The following DHX37 variants were observed in gnomAD, a reference collection of about 807,000 sequenced individuals.
DHX37 encodes the protein probable ATP-dependent RNA helicase DHX37.
A neutral mutation model predicts 134.3 loss-of-function variants in DHX37; 52 were observed. The observed-to-expected ratio is 0.39, with a 90% CI of 0.31 to 0.49. The LOEUF (loss-of-function observed/expected upper bound fraction) is 0.49, where lower values mean the gene tolerates loss of function less well. Among genes scored for constraint, DHX37 ranks in the 20% least tolerant of loss-of-function variants. The probability of loss-of-function intolerance (pLI) is 0.93; values close to 1 mark genes in which losing one functional copy is unlikely to be tolerated. For missense variants in DHX37, 1,344 were observed against 1,580.8 expected, an observed-to-expected ratio of 0.85 and a Z score of 2.54; for synonymous variants, 634 against 670.7, an observed-to-expected ratio of 0.95 and a Z score of 0.85.
In DHX37 at chr12:124,946,866, A is replaced by G. The variant is rs1012832265; in HGVS notation, c.*936T>C. 8 of 152,392 alleles carry G rather than the reference A, an allele frequency of 5.2e-5. No homozygotes were observed. The highest frequency in any genetic ancestry group is 1.9e-4 in the African/African-American group (8 of 41,596). 9.4% of individuals were successfully genotyped at this position (152,392 alleles called of 1,614,324 possible). ...TTTTATTCCATAACTGTCTCCACCG[A>G]AGCCGCAGAAGCAAAGCCAGGAGCA... On this transcript the variant is annotated 3_prime_UTR_variant, in exon 27 of 27. Transcript: ENST00000308736.
chr12:124,965,956 C>T, intron 12 of DHX37, 144 bp from the exon 13 acceptor site: 1 of 1,020,098 alleles, frequency 9.8e-7, no homozygotes, highest in South Asian at 1.9e-5. Context: ...ACATAATTCT[C>T]TCTTCCTGCC....
At chr12:124,974,070 C>T (rs1954578188) in intron 6 of DHX37, among the ~76,000 whole-genome samples, 1 of 151,680 alleles carries the variant, frequency 6.6e-6, no homozygotes, top group African/African-American at 2.4e-5. Flanking sequence ...TCTCCTGCCT[C>T]AGCCTCCCGA....
At chr12:124,952,049 T>C (rs7310823) in intron 21 of DHX37, among the ~76,000 whole-genome samples, 87,835 of 151,914 alleles carry the variant, frequency 0.58, 26,225 homozygotes, top group East Asian at 0.84. Context: ...CAGGAGGCTG[T>C]GGCGAGAAGG....
intron 26 of DHX37, 84 bp downstream of exon 26, chr12:124,948,000 G>C (rs1953906287): frequency 6.2e-7 from 1 of 1,613,506 alleles, no homozygotes; most frequent in Non-Finnish European, 8.5e-7. Flanking sequence ...GCCAAGCCAG[G>C]GCTGACCGTG....
intron 5 of DHX37, 135 bp downstream of exon 5, chr12:124,977,207 G>T: frequency 8.9e-7 from 1 of 1,120,730 alleles, no homozygotes; most frequent in Non-Finnish European, 1.2e-6. Context: ...AGGTTAAGTA[G>T]CTTGTCTGAA....
chr12:124,952,371 C>A, intron 21 of DHX37, 27 bp downstream of exon 21: 3 of 1,585,580 alleles, frequency 1.9e-6, no homozygotes, highest in East Asian at 2.3e-5. Context: ...CCAAGCTACC[C>A]GGGCAGGGAG....
chr12:124,980,285 G>T lies in DHX37; in HGVS notation c.738+205C>A, dbSNP rs1031353660. ...GGGCCCCGAGCCTGCCAGGCGTGCCGCCAGACACCCGCCCTGCACTGTGAT... is the reference window on the plus strand; with the variant it reads ...GGGCCCCGAGCCTGCCAGGCGTGCCTCCAGACACCCGCCCTGCACTGTGAT... On this transcript the variant is annotated intron_variant, in intron 4 of 26. Transcript: ENST00000308736. The surrounding 1 kb of genome is among the most constrained non-coding windows in gnomAD (Gnocchi z 5.3). 6.6e-6 allele frequency among the ~76,000 whole-genome samples: 1 copy of T among 152,228 alleles called. No homozygotes were observed. The highest frequency in any genetic ancestry group is 1.5e-5 in the Non-Finnish European group (1 of 68,034).
At chr12:124,984,990 C>T (rs1404032775) in intron 2 of DHX37, among the ~76,000 whole-genome samples, 3 of 151,968 alleles carry the variant, frequency 2.0e-5, no homozygotes, top group African/African-American at 7.3e-5. Context: ...GAGGAAAGGC[C>T]GAGGGAAGAG....
Position 124,948,028 on chromosome 12 carries a change from CT to C in DHX37, c.3388+55del, listed in dbSNP as rs781449543. 8.1e-6 allele frequency: 13 copies of C among 1,614,130 alleles called. No individual in the cohort carries two copies. In the South Asian group the frequency reaches 1.4e-4, roughly 18 times the overall value. Reference sequence around the variant, plus strand: ...TGACCGTGCACAAAGCACAAAGCCCCTGCCTCAGTGACCCCATCCTGTCTAC... The same window carrying C: ...TGACCGTGCACAAAGCACAAAGCCCCGCCTCAGTGACCCCATCCTGTCTAC... On this transcript the variant is annotated intron_variant, in intron 26 of 26. Transcript: ENST00000308736.
intron 3 of DHX37, among the ~76,000 whole-genome samples, chr12:124,981,197 A>T (rs925188342): frequency 6.6e-6 from 1 of 152,164 alleles, no homozygotes; most frequent in Non-Finnish European, 1.5e-5. Context: ...AAGAGAAAGG[A>T]CTTTATTTCT....
chr12:124,974,156 G>A (rs541432830), intron 6 of DHX37, among the ~76,000 whole-genome samples: 5 of 150,882 alleles, frequency 3.3e-5, no homozygotes, highest in African/African-American at 9.7e-5. Context: ...GGGTTTCACC[G>A]TGTTAGCCAG....
chr12:124,967,380 T>C (rs918795580), intron 10 of DHX37, among the ~76,000 whole-genome samples, 162 bp from the exon 11 acceptor site: 1 of 152,146 alleles, frequency 6.6e-6, no homozygotes, highest in Non-Finnish European at 1.5e-5. Context: ...ACGCCCAGAC[T>C]GAAGCAGCTG....
At chr12:124,969,421 C>T (rs1049151437) in intron 8 of DHX37, among the ~76,000 whole-genome samples, 2 of 152,190 alleles carry the variant, frequency 1.3e-5, no homozygotes, top group African/African-American at 4.8e-5. Context: ...GCTGCCTTTG[C>T]TGCTACGAAA....
In DHX37 at chr12:124,971,419, G is replaced by C. The variant is rs750482761; in HGVS notation, c.1078-4C>G. On this transcript the variant is annotated splice_region_variant and splice_polypyrimidine_tract_variant and intron_variant, in intron 7 of 26. Coordinates refer to ENST00000308736, the MANE Select transcript of DHX37 (RefSeq NM_032656.4). ...TGTACCGCAGCAGCAGGAAGTCCTGGGGGGAGGTCCGGGGTGAGGCCCACC... is the reference window on the plus strand; with the variant it reads ...TGTACCGCAGCAGCAGGAAGTCCTGCGGGGAGGTCCGGGGTGAGGCCCACC... 1.4e-5 allele frequency: 22 copies of C among 1,612,770 alleles called. No individual in the cohort carries two copies. The South Asian group carries it at 1.4e-4, about 10-fold the overall frequency.
intron 17 of DHX37, 72 bp downstream of exon 17, chr12:124,956,957 G>A (rs113009560): frequency 3.0e-5 from 46 of 1,528,894 alleles, no homozygotes; most frequent in Admixed American, 2.8e-4. Context: ...GCTTGAGGCA[G>A]CTCAGGCCCA....
Position 124,957,142 on chromosome 12 carries a change from C to T in DHX37, c.2158-7G>A. 7 of 1,491,660 alleles carry T rather than the reference C, an allele frequency of 4.7e-6. No homozygotes were observed. The highest frequency in any genetic ancestry group is 6.2e-6 in the Non-Finnish European group (7 of 1,123,230). 92.4% of individuals were successfully genotyped at this position (1,491,660 alleles called of 1,614,324 possible). A position where few individuals can be genotyped will look rare whatever the true frequency, so the allele number is the denominator to read the frequency against. On this transcript the variant is annotated splice_region_variant and splice_polypyrimidine_tract_variant and intron_variant, in intron 16 of 26. Transcript: ENST00000308736. ...GGAAGGGGAAGTTGATGACCTGGGA[C>T]ACAAGGAGACGTGGCAGGGACAGGG... is the stretch of plus-strand genomic sequence containing the variant.
At chr12:124,981,504 G>A (rs193259052) in intron 3 of DHX37, among the ~76,000 whole-genome samples, 7 of 152,174 alleles carry the variant, frequency 4.6e-5, no homozygotes, top group East Asian at 1.9e-4. Context: ...GTGCAATCAC[G>A]GCTCACTGTA....
In DHX37 at chr12:124,968,927, C is replaced by T; in HGVS notation, c.1233G>A (p.Leu411=). The T allele has an allele frequency of 1.2e-6, 2 of 1,614,132 alleles. No individual in the cohort carries two copies. Among genetic ancestry groups the T allele is most frequent in the Non-Finnish European group, 1.7e-6 (2 of 1,180,022 alleles). ...GGTTCTGGGTGAAGTCCTCCACCCGCAGCGTGGCCGACATGATGAGCAGCT... is the reference window on the plus strand; with the variant it reads ...GGTTCTGGGTGAAGTCCTCCACCCGTAGCGTGGCCGACATGATGAGCAGCT... ...PLKLLIMSAT[L]RVEDFTQNPR... The change falls in exon 9 of 27, where the codon CTG becomes CTA. Residue 411 remains leucine (L), a synonymous_variant. Coordinates refer to ENST00000308736, the MANE Select transcript of DHX37 (RefSeq NM_032656.4).
In DHX37 at chr12:124,980,667, C is replaced by A. The variant is rs772227260; in HGVS notation, c.561G>T (p.Pro187=). The A allele has an allele frequency of 6.3e-7, 1 of 1,599,696 alleles. No individual in the cohort carries two copies. The highest frequency in any genetic ancestry group is 8.5e-7 in the Non-Finnish European group (1 of 1,174,950). The change falls in exon 4 of 27, where the codon CCG becomes CCT. Residue 187 remains proline (P), a synonymous_variant. Transcript: ENST00000308736. The surrounding 1 kb of genome is among the most constrained non-coding windows in gnomAD (Gnocchi z 5.3). ...SELDEDPAAE[P]AEAGVGTTVA... ...CGGTGGTCCCCACACCAGCCTCAGC[C>A]GGCTCAGCAGCTGGGTCCTCGTCCA...
Sources: allele counts gnomAD v4.1 joint callset (sites outside exome capture counted in the v4.1 genomes callset), GRCh38; gene constraint gnomAD v4.1.1; non-coding constraint Gnocchi (gnomAD v3.1); transcripts MANE v1.5; gene names NCBI Gene and HGNC (gene_info 2026-07-23, HGNC 2026-07-21).